Variants in VAT1L observed in about 807,000 individuals in gnomAD.
VAT1L encodes vesicle amine transport 1 like, also known as putative NADPH-dependent quinone oxidoreductase VAT1L.
A neutral mutation model predicts 44.1 loss-of-function variants in VAT1L; 34 were observed. That is an observed-to-expected ratio of 0.77 (90% CI 0.59 to 1.03). VAT1L has a LOEUF of 1.03. Among genes scored for constraint, VAT1L ranks in the 50% least tolerant of loss-of-function variants. The pLI is 0.00. For synonymous variants in VAT1L, 253 were observed against 202.2 expected (o/e 1.25, Z -2.13); for missense variants, 615 against 538.8 (o/e 1.14, Z -1.40).
intron 3 of VAT1L, among the ~76,000 whole-genome samples, chr16:77,837,905 A>C (rs28645790): frequency 0.23 from 34,341 of 152,124 alleles, 4,485 homozygotes; most frequent in East Asian, 0.38. Flanking sequence ...TCACTGTCTC[A>C]TTAGACAATA....
chr16:77,911,932 G>T (rs1335738080), intron 7 of VAT1L, among the ~76,000 whole-genome samples: 1 of 152,120 alleles, frequency 6.6e-6, no homozygotes, highest in East Asian at 1.9e-4. Flanking sequence ...CAAACTGACG[G>T]TATGTTAGGT....
chr16:77,958,349 A>G (rs450550), intron 7 of VAT1L, among the ~76,000 whole-genome samples: 52,712 of 152,016 alleles, frequency 0.35, 9,250 homozygotes, highest in South Asian at 0.46. Context: ...TCACACCTCA[A>G]GCATCTCTCT....
At chr16:77,871,716 G>T (rs1597076421) in intron 4 of VAT1L, among the ~76,000 whole-genome samples, 1 of 152,234 alleles carries the variant, frequency 6.6e-6, no homozygotes, top group Admixed American at 6.5e-5. Flanking sequence ...ATGTAGCCTG[G>T]ATAACAGAGC....
At chr16:77,961,974 A>G (rs567789952) in intron 7 of VAT1L, among the ~76,000 whole-genome samples, 56 of 152,220 alleles carry the variant, frequency 3.7e-4, no homozygotes, top group Non-Finnish European at 7.8e-4. Context: ...TGGGAACCCC[A>G]TTCTGACTAG....
chr16:77,876,581 T>C, intron 5 of VAT1L, 108 bp downstream of exon 5: 1 of 908,884 alleles, frequency 1.1e-6, no homozygotes, highest in Non-Finnish European at 1.7e-6. Flanking sequence ...GGTAGTGGGA[T>C]GGGGGTGTTT....
chr16:77,820,841 T>C (rs1340208360), intron 2 of VAT1L, among the ~76,000 whole-genome samples: 1 of 152,248 alleles, frequency 6.6e-6, no homozygotes, highest in Non-Finnish European at 1.5e-5. Flanking sequence ...TATTAGTTTT[T>C]GTTTTGGTAA....
chr16:77,837,171 C>T (rs1053810837), intron 3 of VAT1L, among the ~76,000 whole-genome samples: 1 of 152,272 alleles, frequency 6.6e-6, no homozygotes, highest in Non-Finnish European at 1.5e-5. Flanking sequence ...TTTCACTCCA[C>T]GGGTTTTGTT....
In VAT1L at chr16:77,867,576, G is replaced by A. The variant is rs752093006; in HGVS notation, c.722+4686G>A. On this transcript the variant is annotated intron_variant, in intron 4 of 8. Transcript: ENST00000302536. ...ATCATGAGTCAAAAATATATTTAAG[G>A]CCAGGCTTTGGTGGCTCATGCCTGT... 3.1e-4 allele frequency among the ~76,000 whole-genome samples: 47 copies of A among 151,904 alleles called. 1 individual carries two copies. Among genetic ancestry groups the A allele is most frequent in the Non-Finnish European group, 4.4e-5 (3 of 67,992 alleles).
chr16:77,792,927 A>T (rs1265631091), intron 1 of VAT1L, among the ~76,000 whole-genome samples: 1 of 152,224 alleles, frequency 6.6e-6, no homozygotes, highest in East Asian at 1.9e-4. Context: ...GCAAGCAGTC[A>T]AAAAATGATA....
intron 1 of VAT1L, among the ~76,000 whole-genome samples, chr16:77,789,598 G>T (rs769711687): frequency 5.3e-5 from 8 of 152,178 alleles, no homozygotes; most frequent in Non-Finnish European, 1.0e-4. Flanking sequence ...GGAAGGAAGA[G>T]GGTCGGTACC....
chr16:77,924,648 G>T (rs997728143), intron 7 of VAT1L, among the ~76,000 whole-genome samples: 3 of 152,142 alleles, frequency 2.0e-5, no homozygotes, highest in African/African-American at 7.2e-5. Context: ...TTTTAGTAGA[G>T]ACGGGGTTTC....
At chr16:77,944,915 C>A (rs913203082) in intron 7 of VAT1L, among the ~76,000 whole-genome samples, 2 of 152,024 alleles carry the variant, frequency 1.3e-5, no homozygotes, top group East Asian at 3.9e-4. Flanking sequence ...GTCTGCCCCC[C>A]GCCACACACA....
At chr16:77,926,825 C>T (rs1168290213) in intron 7 of VAT1L, among the ~76,000 whole-genome samples, 1 of 152,088 alleles carries the variant, frequency 6.6e-6, no homozygotes, top group East Asian at 1.9e-4. Flanking sequence ...TTGCAGTCTC[C>T]CTTGGTGGGG....
chr16:77,891,993 A>AC (rs939051642), intron 7 of VAT1L, among the ~76,000 whole-genome samples: 5 of 152,012 alleles, frequency 3.3e-5, no homozygotes, highest in African/African-American at 1.2e-4. Context: ...AATCACTTGA[A>AC]CCCGGGAGGC....
At chr16:77,860,062 G>A (rs58695788) in intron 3 of VAT1L, among the ~76,000 whole-genome samples, 2,127 of 152,276 alleles carry the variant, frequency 0.014, 51 homozygotes, top group African/African-American at 0.048. Flanking sequence ...AGAAGACGGC[G>A]TGGAGAGACG....
At chr16:77,952,319 G>A (rs1269167981) in intron 7 of VAT1L, among the ~76,000 whole-genome samples, 2 of 152,160 alleles carry the variant, frequency 1.3e-5, no homozygotes, top group Non-Finnish European at 2.9e-5. Context: ...ATGGTGAAAT[G>A]TAATCCCCAA....
At chr16:77,955,724 C>A (rs945748030) in intron 7 of VAT1L, among the ~76,000 whole-genome samples, 2 of 123,082 alleles carry the variant, frequency 1.6e-5, no homozygotes, top group Non-Finnish European at 3.5e-5. Flanking sequence ...CCATATCCCC[C>A]CCCCCAAAAA....
chr16:77,969,820 T>G (rs1453408960), intron 7 of VAT1L, among the ~76,000 whole-genome samples: 1 of 151,814 alleles, frequency 6.6e-6, no homozygotes, highest in African/African-American at 2.4e-5. Context: ...TGAACAAATG[T>G]GAAAACCTTT....
At position 77,902,973 on chromosome 16, in the gene VAT1L, A is replaced by G. The variant is rs1243748339; in HGVS notation, c.1077+18171A>G. On this transcript the variant is annotated intron_variant, in intron 7 of 8. Transcript: ENST00000302536. ...GGGCCACAGAGGGAGACTCTGTCTG[A>G]AAAAAAAAAAAAAAAAAGAAAGAAA... 1.7e-3 allele frequency among the ~76,000 whole-genome samples: 84 copies of G among 49,850 alleles called. 1 individual carries two copies. The highest frequency in any genetic ancestry group is 1.7e-3 in the South Asian group (3 of 1,772). 32.7% of individuals were successfully genotyped at this position (49,850 alleles called of 152,430 possible).
Sources: gnomAD v4.1 joint callset for allele counts (sites outside exome capture counted in the v4.1 genomes callset) on GRCh38, gnomAD v4.1.1 for gene constraint, MANE v1.5 for transcripts, NCBI Gene and HGNC (gene_info 2026-07-23, HGNC 2026-07-21) for gene names.